Variants in SENP2 observed in about 807,000 individuals in gnomAD.
SENP2 encodes SUMO specific peptidase 2.
Under a neutral mutation model 86.3 loss-of-function variants are expected in SENP2, and 16 were observed. The ratio of observed to expected loss-of-function variants is 0.19; its 90% CI spans 0.13 to 0.28. The LOEUF is 0.28. Among genes scored for constraint, SENP2 ranks in the 10% least tolerant of loss-of-function variants. The probability of loss-of-function intolerance (pLI) is 1.00; values close to 1 mark genes in which losing one functional copy is unlikely to be tolerated. For missense variants in SENP2, 552 were observed against 703.0 expected, an observed-to-expected ratio of 0.79 and a Z score of 2.43; for synonymous variants, 222 against 238.7, an observed-to-expected ratio of 0.93 and a Z score of 0.64.
In SENP2 at chr3:185,625,353, C is replaced by T. The variant is rs184872506; in HGVS notation, c.1612-945C>T. On this transcript the variant is annotated intron_variant, in intron 15 of 16. Transcript: ENST00000296257. ...GTCTTGATCTCCTGACCTCGTGATC[C>T]GCCCGCCTCTGCCTCCCAAAGTGCT... 8.5e-5 allele frequency among the ~76,000 whole-genome samples: 13 copies of T among 152,204 alleles called. 1 individual carries two copies. In the East Asian group the frequency reaches 1.4e-3, roughly 16 times the overall value.
At chr3:185,613,899 G>T (rs1431570662) in intron 10 of SENP2, among the ~76,000 whole-genome samples, 1 of 151,450 alleles carries the variant, frequency 6.6e-6, no homozygotes, top group Non-Finnish European at 1.5e-5. Flanking sequence ...TGAGTTGTTG[G>T]AGTTTTGCCT....
chr3:185,608,794 A>G (rs1722596253), intron 6 of SENP2, among the ~76,000 whole-genome samples: 1 of 152,346 alleles, frequency 6.6e-6, no homozygotes, highest in Non-Finnish European at 1.5e-5. Flanking sequence ...AATGCTGAAG[A>G]GAGATCAAGT....
chr3:185,612,643 TGAG>T lies in SENP2; in HGVS notation c.855_857del (p.Arg286del), dbSNP rs768757392. ...GAAACAAGGGGACCTCTATGTTCAT[TGAG>T]AAGTGAAAAGAGGTACGTACATTCA... On this transcript the variant is annotated inframe_deletion, in exon 9 of 17. Transcript: ENST00000296257. 80 of 1,608,724 alleles carry T rather than the reference TGAG, an allele frequency of 5.0e-5. No individual in the cohort carries two copies. In the South Asian group the frequency reaches 8.6e-4, roughly 17 times the overall value.
In SENP2 at chr3:185,586,296, C is replaced by G; in HGVS notation, c.-118C>G. On this transcript the variant is annotated 5_prime_UTR_variant, in exon 1 of 17. Transcript: ENST00000296257. This position sits in a 1 kb window ranked among gnomAD's most constrained non-coding sequence, Gnocchi z 4.3. ...ATCTGTGGGCTCTTGAATCGCGTCA[C>G]AAATCAGCGACCGAACTCTGGCGGT... 6.4e-7 allele frequency: 1 copy of G among 1,557,500 alleles called. No individual in the cohort carries two copies. Among genetic ancestry groups the G allele is most frequent in the Non-Finnish European group, 8.6e-7 (1 of 1,156,562 alleles).
intron 16 of SENP2, among the ~76,000 whole-genome samples, chr3:185,628,725 C>A (rs919651957): frequency 6.6e-6 from 1 of 151,144 alleles, no homozygotes; most frequent in Non-Finnish European, 1.5e-5. Flanking sequence ...AGGCTGGTTT[C>A]GAACTCCTGG....
At chr3:185,621,271 T>A in intron 13 of SENP2, among the ~76,000 whole-genome samples, 1 of 134,268 alleles carries the variant, frequency 7.4e-6, no homozygotes, top group Non-Finnish European at 1.6e-5. Context: ...AGAGGACCAC[T>A]AATTTTTTAA....
chr3:185,605,389 G>T (rs1722480976), intron 5 of SENP2, among the ~76,000 whole-genome samples: 3 of 151,848 alleles, frequency 2.0e-5, no homozygotes. Flanking sequence ...AAGAATAAGG[G>T]CATTCACTTA....
intron 2 of SENP2, 107 bp downstream of exon 2, chr3:185,590,276 C>T (rs868842205): frequency 1.8e-5 from 9 of 489,148 alleles, no homozygotes; most frequent in Non-Finnish European, 2.8e-5. Context: ...AAGTCTTGGC[C>T]GGGCGCAGTG....
At chr3:185,600,698 C>T (rs1722316668) in intron 4 of SENP2, 67 bp from the exon 5 acceptor site, 13 of 1,045,318 alleles carry the variant, frequency 1.2e-5, no homozygotes, top group Admixed American at 1.0e-4. Flanking sequence ...GATTTTTTTT[C>T]TTTCCTTATG....
At chr3:185,595,043 G>A (rs530440612) in intron 2 of SENP2, among the ~76,000 whole-genome samples, 11 of 152,138 alleles carry the variant, frequency 7.2e-5, no homozygotes, top group Admixed American at 1.3e-4. Context: ...GACCTTAAAG[G>A]TGAAAGAGAT....
chr3:185,599,145 A>G (rs1459909051), intron 4 of SENP2, 121 bp downstream of exon 4: 1 of 697,590 alleles, frequency 1.4e-6, no homozygotes, highest in Non-Finnish European at 2.5e-6. Flanking sequence ...CATTCTTTCT[A>G]CCGTTCTAAA....
intron 11 of SENP2, among the ~76,000 whole-genome samples, chr3:185,615,150 TACAG>T (rs1410194627): frequency 7.2e-5 from 11 of 152,110 alleles, no homozygotes; most frequent in Admixed American, 7.2e-4. Context: ...AGTAAAAACT[TACAG>T]AACATAAAGA....
chr3:185,594,324 G>A (rs1474329115), intron 2 of SENP2, among the ~76,000 whole-genome samples: 1 of 152,124 alleles, frequency 6.6e-6, no homozygotes, highest in Non-Finnish European at 1.5e-5. Flanking sequence ...ATTGTAGAAG[G>A]GAATCTAAAC....
chr3:185,602,365 G>T (rs1176521668), intron 5 of SENP2, among the ~76,000 whole-genome samples: 1 of 152,138 alleles, frequency 6.6e-6, no homozygotes, highest in African/African-American at 2.4e-5. Flanking sequence ...CAAAAACTGG[G>T]CATGCCACCC....
intron 16 of SENP2, among the ~76,000 whole-genome samples, chr3:185,628,572 T>C (rs1172062540): frequency 1.3e-5 from 2 of 152,178 alleles, no homozygotes; most frequent in African/African-American, 4.8e-5. Flanking sequence ...AATGGCGCAA[T>C]CTCAGCTCAC....
At chr3:185,598,376 A>G in intron 2 of SENP2, 36 bp from the exon 3 acceptor site, 1 of 1,599,016 alleles carries the variant, frequency 6.3e-7, no homozygotes, top group Non-Finnish European at 8.6e-7. Context: ...CTGGAAGTTT[A>G]TTACTTTATA....
chr3:185,607,946 T>G (rs982268844), intron 6 of SENP2, among the ~76,000 whole-genome samples: 2 of 152,244 alleles, frequency 1.3e-5, no homozygotes, highest in Non-Finnish European at 2.9e-5. Context: ...GTCAATCTTT[T>G]TACTTTCCTT....
rs1177889302 is a variant in SENP2 at position 185,617,575 on chromosome 3, T to G, written c.1206T>G (p.Ile402Met). The G allele has an allele frequency of 1.2e-6, 2 of 1,613,920 alleles. No homozygotes were observed. The highest frequency in any genetic ancestry group is 4.5e-5 in the East Asian group (2 of 44,860). Residue 402 changes from isoleucine (I) to methionine (M), a missense_variant, in exon 12 of 17, where the codon ATT becomes ATG. By Grantham distance (10) the Ile-to-Met change is conservative (BLOSUM62 1). Coordinates refer to ENST00000296257, the MANE Select transcript of SENP2 (RefSeq NM_021627.3). ...AATTGCGAATTACTCGAGGAGATAT[T>G]CAGACATTAAAGAACTATCACTGGC... is the stretch of plus-strand genomic sequence containing the variant. ...AFKLRITRGD[I>M]QTLKNYHWLN...
chr3:185,604,100 G>A (rs1263876452), intron 5 of SENP2, among the ~76,000 whole-genome samples: 3 of 152,134 alleles, frequency 2.0e-5, no homozygotes, highest in East Asian at 1.9e-4. Context: ...CAGCCTGGGC[G>A]ACACAGTGAG....
Sources: allele counts gnomAD v4.1 joint callset (sites outside exome capture counted in the v4.1 genomes callset), GRCh38; gene constraint gnomAD v4.1.1; non-coding constraint Gnocchi (gnomAD v3.1); transcripts MANE v1.5; gene names NCBI Gene and HGNC (gene_info 2026-07-23, HGNC 2026-07-21).